PRELID2: variants seen among roughly 807,000 people sequenced by gnomAD.
PRELID2 encodes PRELI domain containing 2, also known as PRELI domain-containing protein 2.
A neutral mutation model predicts 28.4 loss-of-function variants in PRELID2; 25 were observed. That is an observed-to-expected ratio of 0.88 (90% CI 0.64 to 1.23). PRELID2 has a LOEUF of 1.23. Among genes scored for constraint, PRELID2 ranks in the 50% most tolerant of loss-of-function variants. The pLI, the probability that PRELID2 is intolerant of heterozygous loss-of-function variation, is 0.00. For missense variants in PRELID2, 201 were observed against 214.4 expected, an observed-to-expected ratio of 0.94 and a Z score of 0.39; for synonymous variants, 76 against 71.6, an observed-to-expected ratio of 1.06 and a Z score of -0.31.
the PRELID2 span, among the ~76,000 whole-genome samples, chr5:145,397,274 T>G: frequency 1.1e-3 from 170 of 152,132 alleles, no homozygotes; most frequent in Non-Finnish European, 1.5e-3. Flanking sequence ...GAATTAGGGA[T>G]ATCAGTAAAA....
chr5:145,459,183 C>A, the PRELID2 span, among the ~76,000 whole-genome samples: 1 of 152,088 alleles, frequency 6.6e-6, no homozygotes, highest in Non-Finnish European at 1.5e-5. Flanking sequence ...CTAAAATATC[C>A]CCCAGAAAAT....
the PRELID2 span, among the ~76,000 whole-genome samples, chr5:145,436,416 G>A: frequency 6.6e-6 from 1 of 152,074 alleles, no homozygotes; most frequent in East Asian, 1.9e-4. Flanking sequence ...TGTCTTTATG[G>A]TAGAACCATT....
intron 1 of PRELID2, among the ~76,000 whole-genome samples, chr5:145,553,908 G>C (rs1752858838): frequency 6.6e-6 from 1 of 152,210 alleles, no homozygotes; most frequent in Admixed American, 6.5e-5. Flanking sequence ...GATAGGAGAG[G>C]TGGAGAAGAA....
intron 1 of PRELID2, among the ~76,000 whole-genome samples, chr5:145,528,826 G>C (rs1421401471): frequency 6.6e-6 from 1 of 151,644 alleles, no homozygotes; most frequent in African/African-American, 2.4e-5. Context: ...TCAAAAATCA[G>C]ATGCATACCT....
At chr5:145,375,448 C>T in the PRELID2 span, among the ~76,000 whole-genome samples, 130 of 152,240 alleles carry the variant, frequency 8.5e-4, no homozygotes, top group African/African-American at 3.0e-3. Flanking sequence ...GGGTCTCACC[C>T]AGTTGGGTGT....
Position 145,567,773 on chromosome 5 carries a change from C to A in PRELID2, n.71-94458G>T, listed in dbSNP as rs566503453. Among the ~76,000 whole-genome samples the A allele has an allele frequency of 3.9e-5, 6 of 152,206 alleles. No individual in the cohort carries two copies. In the South Asian group the frequency reaches 1.0e-3, roughly 26 times the overall value. Reference sequence around the variant, plus strand: ...GTTCTTACTACCCCTTTGCCTTCCACCATGATTGTAAGTTTCCTGAGGCCT... The same window carrying A: ...GTTCTTACTACCCCTTTGCCTTCCAACATGATTGTAAGTTTCCTGAGGCCT... On this transcript the variant is annotated intron_variant and non_coding_transcript_variant, in intron 1 of 2. Transcript: ENST00000510259.
intron 1 of PRELID2, among the ~76,000 whole-genome samples, chr5:145,508,907 TG>T (rs1315631833): frequency 1.3e-5 from 2 of 152,198 alleles, no homozygotes; most frequent in Non-Finnish European, 2.9e-5. Context: ...GGATCTTTTC[TG>T]AACTGAGGCT....
chr5:145,398,587 CTT>C, the PRELID2 span, among the ~76,000 whole-genome samples: 1 of 152,002 alleles, frequency 6.6e-6, no homozygotes, highest in Non-Finnish European at 1.5e-5. Flanking sequence ...CCACAGGACT[CTT>C]AGTTTATTTA....
chr5:145,482,111 A>T (rs192084547), intron 1 of PRELID2, among the ~76,000 whole-genome samples: 1 of 152,124 alleles, frequency 6.6e-6, no homozygotes, highest in African/African-American at 2.4e-5. Flanking sequence ...TTTATCACAT[A>T]ACTTCTAAGG....
chr5:145,379,782 C>T, the PRELID2 span, among the ~76,000 whole-genome samples: 3 of 152,140 alleles, frequency 2.0e-5, no homozygotes, highest in African/African-American at 7.2e-5. Flanking sequence ...CAGGAGCCAA[C>T]CTGCAGGAGC....
intron 1 of PRELID2, among the ~76,000 whole-genome samples, chr5:145,560,370 C>G (rs1407589266): frequency 1.3e-5 from 2 of 152,168 alleles, no homozygotes; most frequent in African/African-American, 2.4e-5. Flanking sequence ...CTATCACTTA[C>G]CCAGCACATA....
intron 1 of PRELID2, among the ~76,000 whole-genome samples, chr5:145,661,854 A>T (rs1581035997): frequency 6.6e-6 from 1 of 152,090 alleles, no homozygotes; most frequent in Admixed American, 6.6e-5. Flanking sequence ...ATATAAAAAA[A>T]TAGATTATAT....
chr5:145,259,319 C>G, the PRELID2 span, among the ~76,000 whole-genome samples: 1 of 152,134 alleles, frequency 6.6e-6, no homozygotes, highest in East Asian at 1.9e-4. Context: ...GTCCTGCAGA[C>G]CACAAAGTGG....
the PRELID2 span, among the ~76,000 whole-genome samples, chr5:145,370,895 A>G: frequency 2.6e-5 from 4 of 152,048 alleles, no homozygotes; most frequent in Non-Finnish European, 5.9e-5. Context: ...ATGGGAATTT[A>G]TTCATGATTT....
At chr5:145,270,728 ATTAC>A in the PRELID2 span, among the ~76,000 whole-genome samples, 2 of 152,136 alleles carry the variant, frequency 1.3e-5, no homozygotes, top group Non-Finnish European at 2.9e-5. Context: ...ATAATGTCCT[ATTAC>A]TTAATAGGAA....
chr5:145,697,530 C>T (rs972148351), intron 1 of PRELID2, among the ~76,000 whole-genome samples: 14 of 152,118 alleles, frequency 9.2e-5, no homozygotes, highest in Admixed American at 2.0e-4. Context: ...CATTTCTCTA[C>T]GCCATGTTTA....
intron 5 of PRELID2, among the ~76,000 whole-genome samples, chr5:145,789,562 G>GA (rs1000784922): frequency 2.6e-5 from 4 of 152,072 alleles, no homozygotes; most frequent in Admixed American, 6.6e-5. Context: ...AAATACAAGG[G>GA]AAAAAATCCA....
rs1306056259 is a variant in PRELID2, at chr5:145,816,505, A to G, written c.368+1389T>C. On this transcript the variant is annotated intron_variant, in intron 4 of 6. Coordinates refer to ENST00000683046, the MANE Select transcript of PRELID2 (RefSeq NM_205846.3). ...TATCATATCTAAGAAATTACTACCTAACCCAAGATGACAAAGATTTATACC... is the reference window on the plus strand; with the variant it reads ...TATCATATCTAAGAAATTACTACCTGACCCAAGATGACAAAGATTTATACC... 3.9e-5 allele frequency among the ~76,000 whole-genome samples: 6 copies of G among 152,248 alleles called. No individual in the cohort carries two copies. In the East Asian group the frequency reaches 1.2e-3, roughly 29 times the overall value.
chr5:145,281,783 G>A, the PRELID2 span, among the ~76,000 whole-genome samples: 337 of 152,276 alleles, frequency 2.2e-3, 2 homozygotes, highest in African/African-American at 7.9e-3. Context: ...AGTAGAATAA[G>A]CATCCAAATT....
Sources: gnomAD v4.1 joint callset for allele counts (sites outside exome capture counted in the v4.1 genomes callset) on GRCh38, gnomAD v4.1.1 for gene constraint, MANE v1.5 for transcripts, NCBI Gene and HGNC (gene_info 2026-07-23, HGNC 2026-07-21) for gene names.